Variants in KCNAB1 observed in about 807,000 individuals in gnomAD.
The protein encoded by KCNAB1 is voltage-gated potassium channel subunit beta-1.
KCNAB1 carries 35 observed loss-of-function variants against 64.6 expected under a neutral mutation model. That is an observed-to-expected ratio of 0.54 (90% CI 0.41 to 0.72). The LOEUF (loss-of-function observed/expected upper bound fraction) is 0.72, where lower values mean the gene tolerates loss of function less well. KCNAB1 is among the 30% of genes least tolerant of loss of function. The pLI, the probability that KCNAB1 is intolerant of heterozygous loss-of-function variation, is 0.00. For synonymous variants in KCNAB1, 177 were observed against 183.8 expected, an observed-to-expected ratio of 0.96 and a Z score of 0.30; for missense variants, 401 against 512.9, an observed-to-expected ratio of 0.78 and a Z score of 2.11.
intron 1 of KCNAB1, among the ~76,000 whole-genome samples, chr3:156,124,588 T>C (rs1713541872): frequency 6.6e-6 from 1 of 152,154 alleles, no homozygotes; most frequent in Non-Finnish European, 1.5e-5. Context: ...CATATACACA[T>C]ATACAGAGAT....
At chr3:156,502,477 G>A (rs1716511410) in intron 8 of KCNAB1, among the ~76,000 whole-genome samples, 2 of 147,374 alleles carry the variant, frequency 1.4e-5, no homozygotes, top group South Asian at 4.4e-4. Flanking sequence ...GGAAAAAGTG[G>A]CATTCTATTT....
intron 1 of KCNAB1, among the ~76,000 whole-genome samples, chr3:156,209,818 A>G (rs1291798552): frequency 6.6e-6 from 1 of 152,196 alleles, no homozygotes; most frequent in Non-Finnish European, 1.5e-5. Context: ...TCTTGTTCAA[A>G]CTGTTTATTG....
chr3:156,230,849 T>C (rs13069492), intron 1 of KCNAB1, among the ~76,000 whole-genome samples: 15,785 of 152,264 alleles, frequency 0.1, 1,120 homozygotes, highest in Non-Finnish European at 0.15. Context: ...GTAAAAAGGT[T>C]TATTTACTTT....
chr3:156,303,458 G>GT (rs1254047432), intron 1 of KCNAB1, among the ~76,000 whole-genome samples: 2 of 152,176 alleles, frequency 1.3e-5, no homozygotes, highest in African/African-American at 4.8e-5. Context: ...CCTGGAGGCT[G>GT]TAAGAGACAC....
intron 2 of KCNAB1, among the ~76,000 whole-genome samples, chr3:156,430,932 C>A (rs1402538150): frequency 6.6e-6 from 1 of 152,146 alleles, no homozygotes; most frequent in Non-Finnish European, 1.5e-5. Flanking sequence ...TAGAAAATGT[C>A]AGAACCTGAA....
At chr3:156,161,682 A>G (rs1011747550) in intron 1 of KCNAB1, among the ~76,000 whole-genome samples, 7 of 152,256 alleles carry the variant, frequency 4.6e-5, no homozygotes, top group African/African-American at 1.7e-4. Flanking sequence ...GGGTTTCTGC[A>G]TAATCTGTGA....
At chr3:156,247,290 T>C (rs1717515168) in intron 1 of KCNAB1, among the ~76,000 whole-genome samples, 1 of 152,190 alleles carries the variant, frequency 6.6e-6, no homozygotes, top group Non-Finnish European at 1.5e-5. Context: ...AAGACTAGGA[T>C]AGCAATTGGT....
At chr3:156,444,321 T>C (rs1717247560) in intron 2 of KCNAB1, among the ~76,000 whole-genome samples, 3 of 152,190 alleles carry the variant, frequency 2.0e-5, no homozygotes, top group Admixed American at 2.0e-4. Context: ...CTGCAGCTCA[T>C]ATCTGCAGAA....
chr3:156,154,608 C>G (rs1164051879), intron 1 of KCNAB1, among the ~76,000 whole-genome samples: 1 of 152,058 alleles, frequency 6.6e-6, no homozygotes, highest in Middle Eastern at 3.2e-3. Context: ...TCAGACTTTC[C>G]CATCAACTAT....
intron 1 of KCNAB1, among the ~76,000 whole-genome samples, chr3:156,266,796 G>A (rs369194318): frequency 3.9e-5 from 6 of 152,084 alleles, no homozygotes; most frequent in South Asian, 2.1e-4. Flanking sequence ...AAAGCTCAGC[G>A]GTCATATTCT....
chr3:156,359,411 C>T (rs946714155), intron 1 of KCNAB1, among the ~76,000 whole-genome samples: 1 of 152,160 alleles, frequency 6.6e-6, no homozygotes, highest in Non-Finnish European at 1.5e-5. Flanking sequence ...ACACCTTGTC[C>T]ATCCTCCCCC....
intron 1 of KCNAB1, among the ~76,000 whole-genome samples, chr3:156,158,822 C>G (rs1174703100): frequency 6.6e-6 from 1 of 152,230 alleles, no homozygotes; most frequent in Non-Finnish European, 1.5e-5. Flanking sequence ...ACCTCATTCA[C>G]TCCCAGAAGG....
At chr3:156,210,543 C>T (rs1714947974) in intron 1 of KCNAB1, among the ~76,000 whole-genome samples, 1 of 152,220 alleles carries the variant, frequency 6.6e-6, no homozygotes, top group Non-Finnish European at 1.5e-5. Flanking sequence ...CCATTCATCT[C>T]TGCATGCAAA....
At chr3:156,253,828 A>G (rs563027663) in intron 1 of KCNAB1, among the ~76,000 whole-genome samples, 1 of 152,344 alleles carries the variant, frequency 6.6e-6, no homozygotes, top group South Asian at 2.1e-4. Flanking sequence ...GTCTGTTTTA[A>G]CAAGTCTTCT....
At chr3:156,138,830 A>G (rs948049533) in intron 1 of KCNAB1, among the ~76,000 whole-genome samples, 2 of 152,176 alleles carry the variant, frequency 1.3e-5, no homozygotes, top group Admixed American at 6.5e-5. Flanking sequence ...TTGTTTATGA[A>G]TCCTGAACAG....
intron 1 of KCNAB1, among the ~76,000 whole-genome samples, chr3:156,160,823 C>G (rs143359667): frequency 6.6e-6 from 1 of 152,168 alleles, no homozygotes; most frequent in Non-Finnish European, 1.5e-5. Flanking sequence ...CATTTTCACA[C>G]GTACATTAAG....
intron 11 of KCNAB1, among the ~76,000 whole-genome samples, chr3:156,519,605 A>G (rs1249880180): frequency 6.6e-6 from 1 of 152,224 alleles, no homozygotes; most frequent in Non-Finnish European, 1.5e-5. Flanking sequence ...ATCTGATCAG[A>G]GAATGGGGAC....
chr3:156,143,370 T>A, intron 1 of KCNAB1: 2 of 1,608,200 alleles, frequency 1.2e-6, no homozygotes, highest in Non-Finnish European at 1.7e-6. Context: ...TACGTGTTCA[T>A]GGAATTTCGT....
chr3:156,258,468 G>A (rs1718233378), intron 1 of KCNAB1, among the ~76,000 whole-genome samples: 1 of 152,102 alleles, frequency 6.6e-6, no homozygotes, highest in South Asian at 2.1e-4. Context: ...AAACCTCCAG[G>A]TGGGCTGCCT....
Sources: gnomAD v4.1 joint callset for allele counts (sites outside exome capture counted in the v4.1 genomes callset) on GRCh38, gnomAD v4.1.1 for gene constraint, MANE v1.5 for transcripts, NCBI Gene and HGNC (gene_info 2026-07-23, HGNC 2026-07-21) for gene names.